Variants in RSPO4 observed in about 807,000 individuals in gnomAD.
RSPO4 encodes R-spondin 4.
A neutral mutation model predicts 24.8 loss-of-function variants in RSPO4; 23 were observed. The ratio of observed to expected loss-of-function variants is 0.93; its 90% CI spans 0.67 to 1.31. The LOEUF (loss-of-function observed/expected upper bound fraction) is 1.31, where lower values mean the gene tolerates loss of function less well. RSPO4 is among the 40% of genes most tolerant of loss of function. The probability of loss-of-function intolerance (pLI) is 0.00; values close to 1 mark genes in which losing one functional copy is unlikely to be tolerated. For missense variants in RSPO4, 333 were observed against 316.5 expected (o/e 1.05, Z -0.39); for synonymous variants, 141 against 127.4 (o/e 1.11, Z -0.72).
chr20:984,980 C>T (rs111447524), intron 1 of RSPO4, among the ~76,000 whole-genome samples: 27,693 of 125,770 alleles, frequency 0.22, 6,580 homozygotes, highest in African/African-American at 0.6. Context: ...TCCATCCACT[C>T]ACCCACCCAT....
intron 3 of RSPO4, 120 bp downstream of exon 3, chr20:967,054 C>T (rs1984226074): frequency 1.0e-6 from 1 of 970,468 alleles, no homozygotes; most frequent in Admixed American, 2.4e-5. Context: ...TGGTGCTGGG[C>T]CTTCCCTCAC....
chr20:984,922 CCCATCCAT>C (rs747290984), intron 1 of RSPO4, among the ~76,000 whole-genome samples: 4 of 115,886 alleles, frequency 3.5e-5, no homozygotes, highest in Admixed American at 8.5e-5. Context: ...TCCATCCATC[CCCATCCAT>C]CCATCCATCC....
intron 1 of RSPO4, among the ~76,000 whole-genome samples, chr20:992,032 G>GGGAT (rs1555797363): frequency 3.3e-5 from 5 of 151,558 alleles, no homozygotes; most frequent in African/African-American, 4.9e-5. Flanking sequence ...GGAGTGAGAG[G>GGGAT]GGACGAGGAA....
rs1985483374 is a variant in RSPO4 at position 1,002,037 on chromosome 20, T to C, written c.79+49A>G. On this transcript the variant is annotated intron_variant, in intron 1 of 4. Coordinates refer to ENST00000217260, the MANE Select transcript of RSPO4 (RefSeq NM_001029871.4). This position sits in a 1 kb window ranked among gnomAD's most constrained non-coding sequence, Gnocchi z 4.6. ...CCGCCCCCGGTCCTCCGGCCCCCGG[T>C]CTGCCCCGCAGCGCCTGCCCGGCCG... 6.7e-7 allele frequency: 1 copy of C among 1,491,654 alleles called. No homozygotes were observed. The highest frequency in any genetic ancestry group is 1.4e-5 in the African/African-American group (1 of 71,714). The allele number at this position is 1,491,654 out of a possible 1,614,324, so 92.4% of individuals were successfully genotyped here.
In RSPO4 at chr20:984,922, C is replaced by CCCATCCAT. The variant is rs747290984; in HGVS notation, c.80-16792_80-16785dup. On this transcript the variant is annotated intron_variant, in intron 1 of 4. Coordinates refer to ENST00000217260, the MANE Select transcript of RSPO4 (RefSeq NM_001029871.4). The stretch of plus-strand genomic sequence containing the variant: ...ATCCCCATCCATCCATCCATCCATC[C>CCCATCCAT]CCATCCATCCATCCATCCATCCATC... 2.5e-3 allele frequency among the ~76,000 whole-genome samples: 292 copies of CCCATCCAT among 115,938 alleles called. 2 individuals are homozygous for CCCATCCAT. Among genetic ancestry groups the CCCATCCAT allele is most frequent in the Non-Finnish European group, 3.8e-3 (225 of 59,908 alleles). The allele number at this position is 115,938 out of a possible 152,430, so 76.1% of individuals were successfully genotyped here.
intron 1 of RSPO4, among the ~76,000 whole-genome samples, chr20:980,660 A>G (rs1005646417): frequency 2.0e-5 from 3 of 152,100 alleles, no homozygotes; most frequent in Admixed American, 2.0e-4. Context: ...ACGTTGACCT[A>G]TATGGGCTGG....
chr20:990,062 C>G (rs6086802), intron 1 of RSPO4, among the ~76,000 whole-genome samples: 48,647 of 152,104 alleles, frequency 0.32, 13,207 homozygotes, highest in African/African-American at 0.74. Context: ...AGGTAAAGGG[C>G]TTGGCCCAAG....
chr20:995,397 T>C (rs532518264), intron 1 of RSPO4, among the ~76,000 whole-genome samples: 292 of 152,234 alleles, frequency 1.9e-3, no homozygotes, highest in Non-Finnish European at 3.4e-3. Context: ...TTCCCTCTTC[T>C]GTAAGCTGGC....
rs1248635907 is a variant in RSPO4, at chr20:960,802, G to A, written c.596-336C>T. On this transcript the variant is annotated intron_variant, in intron 4 of 4. Transcript: ENST00000217260. ...GGGTGGCCTCATGGGAGTCCCCATG[G>A]CTTTCCCCGGCACACTCCTTCCATA... Among the ~76,000 whole-genome samples the A allele has an allele frequency of 2.6e-5, 4 of 152,186 alleles. No homozygotes were observed. In the East Asian group the frequency reaches 7.7e-4, roughly 29 times the overall value.
At chr20:993,983 C>T (rs1239860793) in intron 1 of RSPO4, among the ~76,000 whole-genome samples, 2 of 152,120 alleles carry the variant, frequency 1.3e-5, no homozygotes, top group African/African-American at 4.8e-5. Context: ...CTTCCTGTGC[C>T]TCAGTTTTCT....
In RSPO4 at chr20:1,002,147, GCAGAGTGGCGCCCGCATCTGGGCAGC is replaced by G. The variant is rs761249991; in HGVS notation, c.-9_17del. On this transcript the variant is annotated start_lost and 5_prime_UTR_variant, in exon 1 of 5. Coordinates refer to ENST00000217260, the MANE Select transcript of RSPO4 (RefSeq NM_001029871.4). This position sits in a 1 kb window ranked among gnomAD's most constrained non-coding sequence, Gnocchi z 4.6. Reference sequence around the variant, plus strand: ...CGGCGTGGGCGACGAGCAGGAGCAGGCAGAGTGGCGCCCGCATCTGGGCAGCCGGATCCGGGCTGGCGCTCCCCAGG... The same window carrying G: ...CGGCGTGGGCGACGAGCAGGAGCAGGCGGATCCGGGCTGGCGCTCCCCAGG... 4.5e-6 allele frequency: 7 copies of G among 1,558,386 alleles called. No individual in the cohort carries two copies. In the South Asian group the frequency reaches 8.2e-5, roughly 18 times the overall value.
At chr20:975,816 A>G (rs1984545904) in intron 1 of RSPO4, among the ~76,000 whole-genome samples, 1 of 152,154 alleles carries the variant, frequency 6.6e-6, no homozygotes. Context: ...CTTTACCTCT[A>G]CAAGCCTCAG....
In RSPO4 at chr20:967,899, A is replaced by ATGG. The variant is rs768688109; in HGVS notation, c.268+48_268+50dup. 351 of 1,542,760 alleles carry ATGG rather than the reference A, an allele frequency of 2.3e-4. 1 individual carries two copies. The highest frequency in any genetic ancestry group is 2.2e-3 in the Middle Eastern group (13 of 5,908). On this transcript the variant is annotated intron_variant, in intron 2 of 4. Coordinates refer to ENST00000217260, the MANE Select transcript of RSPO4 (RefSeq NM_001029871.4). ...GGGTGAAAGGGTGGGATCTAAGCCC[A>ATGG]TGGTGTCTAGGAGCCCAGCACTAGC...
At chr20:989,440 C>G (rs1223516002) in intron 1 of RSPO4, among the ~76,000 whole-genome samples, 1 of 152,240 alleles carries the variant, frequency 6.6e-6, no homozygotes, top group Admixed American at 6.5e-5. Context: ...ATGGCAAACA[C>G]TCACCAGGTA....
intron 1 of RSPO4, among the ~76,000 whole-genome samples, chr20:989,069 C>A (rs193015416): frequency 1.3e-5 from 2 of 152,168 alleles, no homozygotes; most frequent in Non-Finnish European, 2.9e-5. Context: ...GCATACCCTC[C>A]GGCCCCCATC....
At chr20:983,273 G>C (rs1389082719) in intron 1 of RSPO4, among the ~76,000 whole-genome samples, 202 of 152,352 alleles carry the variant, frequency 1.3e-3, no homozygotes, top group African/African-American at 4.8e-3. Flanking sequence ...CCAAGGGGTG[G>C]CAGAGAGTTG....
intron 4 of RSPO4, among the ~76,000 whole-genome samples, 179 bp from the exon 5 acceptor site, chr20:960,645 C>T (rs1017253150): frequency 6.6e-6 from 1 of 152,246 alleles, no homozygotes; most frequent in African/African-American, 2.4e-5. Flanking sequence ...GCTAAGGTAC[C>T]CCAAACTGAA....
At chr20:1,000,904 C>T (rs111619649) in intron 1 of RSPO4, among the ~76,000 whole-genome samples, 227 of 152,336 alleles carry the variant, frequency 1.5e-3, no homozygotes, top group African/African-American at 5.2e-3. Flanking sequence ...TCTCCCACAG[C>T]CTCTGTCTGC....
At position 1,002,293 on chromosome 20, in the gene RSPO4, C is replaced by T. The variant is rs1985498363; in HGVS notation, c.-129G>A. 1.5e-5 allele frequency: 5 copies of T among 337,178 alleles called. No individual in the cohort carries two copies. Among genetic ancestry groups the T allele is most frequent in the Admixed American group, 5.8e-5 (1 of 17,128 alleles). 20.9% of individuals were successfully genotyped at this position (337,178 alleles called of 1,614,324 possible). A position where few individuals can be genotyped will look rare whatever the true frequency, so the allele number is the denominator to read the frequency against. On this transcript the variant is annotated 5_prime_UTR_variant, in exon 1 of 5. Transcript: ENST00000217260. The surrounding 1 kb of genome is among the most constrained non-coding windows in gnomAD (Gnocchi z 4.6). ...CCGGGCGCATCCGCCAGGCGCGGGT[C>T]GGTCCGGCCGCCAGGTCTAGTGAGG...
Sources: allele counts gnomAD v4.1 joint callset (sites outside exome capture counted in the v4.1 genomes callset), GRCh38; gene constraint gnomAD v4.1.1; non-coding constraint Gnocchi (gnomAD v3.1); transcripts MANE v1.5; gene names NCBI Gene and HGNC (gene_info 2026-07-23, HGNC 2026-07-21).